AK9: variants seen among roughly 807,000 people sequenced by gnomAD.
AK9 encodes the protein adenylate kinase 9.
AK9 carries 191 observed loss-of-function variants against 239.6 expected under a neutral mutation model. That is an observed-to-expected ratio of 0.80 (90% CI 0.71 to 0.90). The LOEUF is 0.90. Ranked by LOEUF, AK9 falls within the 40% of genes least tolerant of loss-of-function variation. The pLI is 0.00. For missense variants in AK9, 1,995 were observed against 2,214.7 expected (o/e 0.90, Z 1.99); for synonymous variants, 689 against 721.0 (o/e 0.96, Z 0.71).
chr6:109,572,795 A>G (rs1319562406), intron 21 of AK9, among the ~76,000 whole-genome samples: 1 of 152,106 alleles, frequency 6.6e-6, no homozygotes, highest in African/African-American at 2.4e-5. Flanking sequence ...ACTCTGCTTG[A>G]AAGCATTTGC....
At chr6:109,639,674 T>C (rs932976134) in intron 10 of AK9, among the ~76,000 whole-genome samples, 4 of 152,246 alleles carry the variant, frequency 2.6e-5, no homozygotes, top group Admixed American at 2.6e-4. Flanking sequence ...TTGTCTACTT[T>C]GGCTTTTGTT....
At chr6:109,532,708 C>T (rs916530993) in intron 28 of AK9, among the ~76,000 whole-genome samples, 2 of 152,136 alleles carry the variant, frequency 1.3e-5, no homozygotes, top group African/African-American at 2.4e-5. Context: ...TGGTTATGAA[C>T]ATTCACATAT....
chr6:109,632,038 G>T, intron 12 of AK9: 2 of 422,540 alleles, frequency 4.7e-6, no homozygotes, highest in Non-Finnish European at 6.3e-6. Flanking sequence ...GAGGAGACTG[G>T]TATTGAGAAG....
At chr6:109,629,620 A>G (rs926579597) in intron 12 of AK9, among the ~76,000 whole-genome samples, 4 of 152,024 alleles carry the variant, frequency 2.6e-5, no homozygotes, top group African/African-American at 9.7e-5. Flanking sequence ...TGTAAATATA[A>G]ACAGTATTTG....
At chr6:109,630,991 A>G (rs1796040171) in intron 12 of AK9, among the ~76,000 whole-genome samples, 1 of 152,230 alleles carries the variant, frequency 6.6e-6, no homozygotes, top group Non-Finnish European at 1.5e-5. Context: ...GAATATCTAT[A>G]TGGGAAAAAG....
chr6:109,636,050 CAGCAAGGTTA>C (rs1380175448), intron 10 of AK9, among the ~76,000 whole-genome samples: 1 of 152,168 alleles, frequency 6.6e-6, no homozygotes, highest in Non-Finnish European at 1.5e-5. Context: ...GAATAAAGGG[CAGCAAGGTTA>C]AGCAGAGTCA....
chr6:109,669,490 G>T (rs541203755), intron 5 of AK9, among the ~76,000 whole-genome samples: 2 of 152,220 alleles, frequency 1.3e-5, no homozygotes, highest in South Asian at 2.1e-4. Context: ...AATGCTTCCA[G>T]TTTTTGCCCA....
chr6:109,522,643 T>G (rs1779989243), intron 29 of AK9, among the ~76,000 whole-genome samples: 1 of 152,152 alleles, frequency 6.6e-6, no homozygotes, highest in South Asian at 2.1e-4. Flanking sequence ...GAAAGTGAAA[T>G]TCTTTTAATA....
chr6:109,609,627 G>A (rs1457992796), intron 17 of AK9, among the ~76,000 whole-genome samples: 1 of 152,172 alleles, frequency 6.6e-6, no homozygotes, highest in South Asian at 2.1e-4. Context: ...GGCTGGTAGA[G>A]CTGGGGACTT....
chr6:109,551,819 A>G (rs1045364074), intron 24 of AK9, among the ~76,000 whole-genome samples: 4 of 150,606 alleles, frequency 2.7e-5, no homozygotes. Context: ...TTTGTTACAT[A>G]GGTACACATG....
intron 1 of AK9, 34 bp from the exon 2 acceptor site, chr6:109,675,790 C>T: frequency 3.0e-6 from 4 of 1,347,348 alleles, no homozygotes; most frequent in Non-Finnish European, 4.1e-6. Flanking sequence ...GTTAACTTGT[C>T]TAATTTGGTT....
In AK9 at chr6:109,528,823, T is replaced by G. The variant is rs772275006; in HGVS notation, c.3633+188A>C. 6 of 991,400 alleles carry G rather than the reference T, an allele frequency of 6.1e-6. No homozygotes were observed. In the South Asian group the frequency reaches 8.3e-5, roughly 14 times the overall value. 61.4% of individuals were successfully genotyped at this position (991,400 alleles called of 1,614,324 possible). On this transcript the variant is annotated intron_variant, in intron 29 of 40. Transcript: ENST00000424296. The stretch of plus-strand genomic sequence containing the variant: ...CTTGAAAAGCTGTTACAAGAGTGTC[T>G]TAAGCCAGAAGGCAAAGGCTGGGTG...
intron 5 of AK9, among the ~76,000 whole-genome samples, chr6:109,663,699 C>T (rs189151075): frequency 1.3e-5 from 2 of 152,250 alleles, no homozygotes; most frequent in East Asian, 3.9e-4. Flanking sequence ...ATGCATGGTG[C>T]CACAAAAATT....
chr6:109,649,931 CAGATCTACAACT>C (rs1281665331), intron 8 of AK9, among the ~76,000 whole-genome samples: 2 of 151,882 alleles, frequency 1.3e-5, no homozygotes, highest in Non-Finnish European at 2.9e-5. Context: ...AATAATGCCG[CAGATCTACAACT>C]ATCTGATCTT....
chr6:109,578,932 T>G (rs1026665960), intron 20 of AK9, among the ~76,000 whole-genome samples: 8 of 152,220 alleles, frequency 5.3e-5, no homozygotes, highest in Non-Finnish European at 2.9e-5. Context: ...CGCTGAGACC[T>G]GTTTTGTGGC....
intron 8 of AK9, among the ~76,000 whole-genome samples, chr6:109,653,304 C>A (rs1448545248): frequency 2.0e-5 from 3 of 152,158 alleles, no homozygotes; most frequent in Non-Finnish European, 2.9e-5. Context: ...AAGCCCTAAC[C>A]CGCAATGTAT....
At chr6:109,595,577 A>G (rs1208284104) in intron 17 of AK9, among the ~76,000 whole-genome samples, 1 of 152,230 alleles carries the variant, frequency 6.6e-6, no homozygotes, top group Non-Finnish European at 1.5e-5. Flanking sequence ...CAATATTCAC[A>G]ATACCCAAGA....
At chr6:109,540,769 C>T (rs1056503715) in intron 27 of AK9, among the ~76,000 whole-genome samples, 6 of 152,154 alleles carry the variant, frequency 3.9e-5, no homozygotes, top group African/African-American at 1.4e-4. Flanking sequence ...GTCTCTCTGG[C>T]AGGGTCAATT....
chr6:109,656,973 T>A (rs1444424732), intron 7 of AK9, 89 bp from the exon 8 acceptor site: 1 of 1,470,216 alleles, frequency 6.8e-7, no homozygotes, highest in Non-Finnish European at 9.3e-7. Flanking sequence ...CACCTAGATA[T>A]CATTTTGGGG....
Sources: allele counts gnomAD v4.1 joint callset (sites outside exome capture counted in the v4.1 genomes callset), GRCh38; gene constraint gnomAD v4.1.1; transcripts MANE v1.5; gene names NCBI Gene and HGNC (gene_info 2026-07-23, HGNC 2026-07-21).